Variants in DSCAM observed in about 807,000 individuals in gnomAD.
DSCAM encodes the protein cell adhesion molecule DSCAM.
DSCAM carries 47 observed loss-of-function variants against 217.7 expected under a neutral mutation model. That is an observed-to-expected ratio of 0.22 (90% confidence interval 0.17 to 0.28). The LOEUF is 0.28. Among genes scored for constraint, DSCAM ranks in the 10% least tolerant of loss-of-function variants. The probability of loss-of-function intolerance (pLI) is 1.00; values close to 1 mark genes in which losing one functional copy is unlikely to be tolerated. For missense variants in DSCAM, 2,080 were observed against 2,618.3 expected (o/e 0.79, Z 4.49); for synonymous variants, 1,056 against 1,015.3 (o/e 1.04, Z -0.76).
At chr21:40,555,529 T>C (rs770372295) in intron 3 of DSCAM, among the ~76,000 whole-genome samples, 8 of 152,214 alleles carry the variant, frequency 5.3e-5, no homozygotes, top group Non-Finnish European at 5.9e-5. Flanking sequence ...CCACATTATA[T>C]TGTATTTAAT....
intron 2 of DSCAM, among the ~76,000 whole-genome samples, chr21:40,701,721 T>C (rs749827411): frequency 5.3e-4 from 81 of 152,196 alleles, no homozygotes; most frequent in Non-Finnish European, 9.6e-4. Context: ...TATTCAGTAT[T>C]CAGGTACTTG....
intron 3 of DSCAM, among the ~76,000 whole-genome samples, chr21:40,528,394 T>A (rs1019337813): frequency 6.6e-6 from 1 of 152,226 alleles, no homozygotes; most frequent in Non-Finnish European, 1.5e-5. Context: ...TGGCCTGTTA[T>A]TTTGTTATAC....
At chr21:40,301,762 G>A (rs2123463070) in intron 9 of DSCAM, among the ~76,000 whole-genome samples, 1 of 152,334 alleles carries the variant, frequency 6.6e-6, no homozygotes, top group Non-Finnish European at 1.5e-5. Context: ...GCGTTGAAAG[G>A]ACACATGAAT....
At chr21:40,139,553 T>C (rs1015959996) in intron 18 of DSCAM, among the ~76,000 whole-genome samples, 1 of 152,018 alleles carries the variant, frequency 6.6e-6, no homozygotes, top group Non-Finnish European at 1.5e-5. Context: ...TGACTTTGAA[T>C]AGAATGGGAG....
chr21:40,619,749 GA>G (rs2089453933), intron 3 of DSCAM, among the ~76,000 whole-genome samples: 1 of 151,572 alleles, frequency 6.6e-6, no homozygotes, highest in Non-Finnish European at 1.5e-5. Context: ...CATATTTTTG[GA>G]AAGATAGAAT....
intron 2 of DSCAM, among the ~76,000 whole-genome samples, chr21:40,705,910 G>A (rs1257822228): frequency 1.3e-5 from 2 of 152,158 alleles, no homozygotes; most frequent in African/African-American, 4.8e-5. Context: ...TGTGGCCGGG[G>A]TCGCTCATGC....
chr21:40,713,318 C>CA (rs2090803532), intron 1 of DSCAM, among the ~76,000 whole-genome samples: 1 of 152,182 alleles, frequency 6.6e-6, no homozygotes, highest in Admixed American at 6.5e-5. Flanking sequence ...TCAGTATAAA[C>CA]ACAGTGGTCA....
At chr21:40,061,201 A>G (rs1266302299) in intron 28 of DSCAM, among the ~76,000 whole-genome samples, 1 of 152,194 alleles carries the variant, frequency 6.6e-6, no homozygotes, top group Non-Finnish European at 1.5e-5. Flanking sequence ...AAAAATCAAA[A>G]GTCCATAGCC....
chr21:40,187,299 G>A (rs2090905328), intron 13 of DSCAM, 40 bp from the exon 14 acceptor site: 1 of 1,610,058 alleles, frequency 6.2e-7, no homozygotes, highest in South Asian at 1.1e-5. Context: ...AGTTCAAACA[G>A]AGCTCTGACA....
intron 3 of DSCAM, among the ~76,000 whole-genome samples, chr21:40,669,566 A>G (rs1455006239): frequency 6.8e-5 from 10 of 147,512 alleles, no homozygotes; most frequent in African/African-American, 2.3e-4. Context: ...CTATCATTCT[A>G]TTTTCCCAAA....
At chr21:40,747,524 A>G (rs1171780177) in intron 1 of DSCAM, among the ~76,000 whole-genome samples, 1 of 151,882 alleles carries the variant, frequency 6.6e-6, no homozygotes, top group Non-Finnish European at 1.5e-5. Context: ...GAAAATCTTA[A>G]TAGACCAATA....
At chr21:40,152,475 T>G (rs2146737547) in intron 16 of DSCAM, among the ~76,000 whole-genome samples, 1 of 152,370 alleles carries the variant, frequency 6.6e-6, no homozygotes, top group South Asian at 2.1e-4. Flanking sequence ...TTCATTTATC[T>G]GCCATCTGTG....
intron 1 of DSCAM, among the ~76,000 whole-genome samples, chr21:40,833,321 TC>T (rs1252168982): frequency 2.6e-5 from 4 of 151,948 alleles, no homozygotes. Context: ...TACAAAAATA[TC>T]CCCTCTCCCT....
At chr21:40,835,127 C>T (rs79687886) in intron 1 of DSCAM, among the ~76,000 whole-genome samples, 1 of 152,176 alleles carries the variant, frequency 6.6e-6, no homozygotes, top group African/African-American at 2.4e-5. Flanking sequence ...TACTGAGTCA[C>T]ATTATCTCTC....
At chr21:40,457,192 TGGG>T (rs1397931408) in intron 3 of DSCAM, among the ~76,000 whole-genome samples, 1 of 152,092 alleles carries the variant, frequency 6.6e-6, no homozygotes, top group Non-Finnish European at 1.5e-5. Flanking sequence ...CTGGCCATAG[TGGG>T]AAGTTGACAC....
At chr21:40,078,066 G>C (rs936264877) in intron 26 of DSCAM, among the ~76,000 whole-genome samples, 1 of 152,220 alleles carries the variant, frequency 6.6e-6, no homozygotes. Context: ...AAAAATGAGT[G>C]AGATTTTAAA....
At chr21:40,699,011 T>C (rs540827700) in intron 2 of DSCAM, among the ~76,000 whole-genome samples, 4 of 152,326 alleles carry the variant, frequency 2.6e-5, no homozygotes, top group African/African-American at 9.6e-5. Flanking sequence ...TTATGTTTTT[T>C]ACAAGTTGAA....
intron 23 of DSCAM, among the ~76,000 whole-genome samples, chr21:40,084,964 A>G (rs2089511974): frequency 6.6e-6 from 1 of 151,940 alleles, no homozygotes; most frequent in African/African-American, 2.4e-5. Context: ...CCTAAATCCA[A>G]AGAAGCACAC....
intron 32 of DSCAM, among the ~76,000 whole-genome samples, chr21:40,028,550 G>C (rs1941151473): frequency 6.6e-6 from 1 of 152,020 alleles, no homozygotes; most frequent in African/African-American, 2.4e-5. Flanking sequence ...ATAATCTCGT[G>C]GTGCGCCATG....
Sources: gnomAD v4.1 joint callset for allele counts (sites outside exome capture counted in the v4.1 genomes callset) on GRCh38, gnomAD v4.1.1 for gene constraint, MANE v1.5 for transcripts, NCBI Gene and HGNC (gene_info 2026-07-23, HGNC 2026-07-21) for gene names.